Variants in CELF2 observed in about 807,000 individuals in gnomAD.
CELF2 encodes the protein CUGBP Elav-like family member 2, also known as CUG triplet repeat RNA-binding protein 2.
A neutral mutation model predicts 62.6 loss-of-function variants in CELF2; 8 were observed. The observed-to-expected ratio is 0.13, with a 90% CI of 0.07 to 0.23. CELF2 has a LOEUF of 0.23. CELF2 is among the 10% of genes least tolerant of loss of function. The pLI, the probability that CELF2 is intolerant of heterozygous loss-of-function variation, is 1.00. For synonymous variants in CELF2, 258 were observed against 250.0 expected (o/e 1.03, Z -0.30); for missense variants, 333 against 671.0 (o/e 0.50, Z 5.56).
chr10:11,061,791 C>T (rs2066794165), intron 1 of CELF2, among the ~76,000 whole-genome samples: 1 of 152,216 alleles, frequency 6.6e-6, no homozygotes, highest in Admixed American at 6.5e-5. Flanking sequence ...CATCTGTTTA[C>T]AGCATGGTTT....
rs189314556 is a variant in CELF2, at chr10:11,238,810, T to G, written c.355-10343T>G. On this transcript the variant is annotated intron_variant, in intron 3 of 12. Transcript: ENST00000633077. ...TGAAAGCGGCACACTCACACTTTGATCATAGCTGTTATTTTTCATTCATGG... is the reference window on the plus strand; with the variant it reads ...TGAAAGCGGCACACTCACACTTTGAGCATAGCTGTTATTTTTCATTCATGG... 2.0e-5 allele frequency among the ~76,000 whole-genome samples: 3 copies of G among 152,386 alleles called. No individual in the cohort carries two copies. The East Asian group carries it at 5.8e-4, about 29-fold the overall frequency.
intron 2 of CELF2, among the ~76,000 whole-genome samples, chr10:11,174,247 A>G (rs892886391): frequency 6.6e-6 from 1 of 152,182 alleles, no homozygotes; most frequent in Non-Finnish European, 1.5e-5. Context: ...AGCCTGAATC[A>G]CATAGACAAA....
the CELF2 span, among the ~76,000 whole-genome samples, chr10:10,652,306 T>A: frequency 7.8e-6 from 1 of 127,844 alleles, no homozygotes; most frequent in African/African-American, 2.9e-5. Context: ...CTGCAGGATA[T>A]TATCCAGGAG....
chr10:10,984,297 C>A (rs551370559), intron 2 of CELF2, among the ~76,000 whole-genome samples: 1 of 152,136 alleles, frequency 6.6e-6, no homozygotes, highest in Non-Finnish European at 1.5e-5. Flanking sequence ...TAAAACTAAA[C>A]GAAGTGTTGA....
At position 11,305,165 on chromosome 10, in the gene CELF2, G is replaced by A. The variant is rs939971382; in HGVS notation, c.977-8974G>A. ...AAATCCAAGGCTGGTGAGGGGCTAG[G>A]GGGAGGTGGTCCAGGTTATCCACAT... is the stretch of plus-strand genomic sequence containing the variant. On this transcript the variant is annotated intron_variant, in intron 9 of 12. Coordinates refer to ENST00000633077, the MANE Select transcript of CELF2 (RefSeq NM_001326342.2). The surrounding 1 kb of genome is among the most constrained non-coding windows in gnomAD (Gnocchi z 4.8). Among the ~76,000 whole-genome samples the A allele has an allele frequency of 6.6e-6, 1 of 152,208 alleles. No homozygotes were observed. Among genetic ancestry groups the A allele is most frequent in the African/African-American group, 2.4e-5 (1 of 41,436 alleles).
intron 1 of CELF2, among the ~76,000 whole-genome samples, chr10:10,889,132 A>C (rs2061963245): frequency 6.6e-6 from 1 of 152,230 alleles, no homozygotes; most frequent in Non-Finnish European, 1.5e-5. Flanking sequence ...AGGTTGTGAA[A>C]CTTAAAATCC....
chr10:10,703,480 C>T, the CELF2 span, among the ~76,000 whole-genome samples: 1 of 152,182 alleles, frequency 6.6e-6, no homozygotes, highest in Non-Finnish European at 1.5e-5. Context: ...CACTGGGGCT[C>T]TACGAAGGAT....
intron 1 of CELF2, among the ~76,000 whole-genome samples, chr10:11,094,598 C>G (rs1264243696): frequency 1.3e-5 from 2 of 152,058 alleles, no homozygotes; most frequent in African/African-American, 4.8e-5. Flanking sequence ...GGAAAAAAAG[C>G]AAAAGGGAAG....
At chr10:10,795,998 T>C (rs1352499621), upstream of CELF2, among the ~76,000 whole-genome samples, 7 of 152,078 alleles carry the variant, frequency 4.6e-5, no homozygotes, top group Non-Finnish European at 8.8e-5. Flanking sequence ...CAATAATTGT[T>C]ATATTTTAGT....
At chr10:11,109,618 G>A (rs976982956) in intron 1 of CELF2, among the ~76,000 whole-genome samples, 11 of 152,162 alleles carry the variant, frequency 7.2e-5, no homozygotes, top group Non-Finnish European at 1.6e-4. Context: ...GGCACTCTCT[G>A]AATTCATTAC....
chr10:10,657,176 G>A, the CELF2 span, among the ~76,000 whole-genome samples: 2 of 152,094 alleles, frequency 1.3e-5, no homozygotes, highest in Non-Finnish European at 2.9e-5. Context: ...TAATGCATAT[G>A]TCCATTTATT....
At chr10:10,814,213 C>CCA (rs2056217172) in intron 1 of CELF2, among the ~76,000 whole-genome samples, 1 of 20,996 alleles carries the variant, frequency 4.8e-5, no homozygotes, top group African/African-American at 2.5e-4. Context: ...AAGAAGAGTC[C>CCA]TAAAAAAAAA....
At chr10:10,598,832 C>T in the CELF2 span, among the ~76,000 whole-genome samples, 2 of 138,602 alleles carry the variant, frequency 1.4e-5, no homozygotes, top group African/African-American at 5.3e-5. Context: ...CGGCTCACTG[C>T]AACCTCCGCC....
chr10:10,677,717 C>T, the CELF2 span, among the ~76,000 whole-genome samples: 1 of 152,186 alleles, frequency 6.6e-6, no homozygotes, highest in African/African-American at 2.4e-5. Context: ...GAAGCAGCCT[C>T]ATGTTTATTG....
chr10:10,542,968 C>A, the CELF2 span, among the ~76,000 whole-genome samples: 1 of 152,174 alleles, frequency 6.6e-6, no homozygotes, highest in Non-Finnish European at 1.5e-5. Context: ...TTTTCAGTCT[C>A]TCAGGCAGAA....
intron 1 of CELF2, among the ~76,000 whole-genome samples, chr10:11,065,809 G>A (rs988381946): frequency 6.6e-6 from 1 of 152,140 alleles, no homozygotes; most frequent in African/African-American, 2.4e-5. Flanking sequence ...AATAGAGCAG[G>A]GCAAGGAGAA....
chr10:11,185,675 A>G (rs1031445793), intron 2 of CELF2, among the ~76,000 whole-genome samples: 2 of 152,146 alleles, frequency 1.3e-5, no homozygotes, highest in Non-Finnish European at 1.5e-5. Flanking sequence ...CAGCCTCCCA[A>G]AGTACTGGGA....
chr10:11,182,257 C>A (rs1054669875), intron 2 of CELF2, among the ~76,000 whole-genome samples: 1 of 152,158 alleles, frequency 6.6e-6, no homozygotes, highest in East Asian at 1.9e-4. Flanking sequence ...AACCGGGGAG[C>A]GGGGCAGCAA....
chr10:10,572,382 T>A, the CELF2 span, among the ~76,000 whole-genome samples: 1 of 152,096 alleles, frequency 6.6e-6, no homozygotes, highest in Non-Finnish European at 1.5e-5. Context: ...AGGGCATGTG[T>A]ACAGGAGATG....
Sources: gnomAD v4.1 joint callset for allele counts (sites outside exome capture counted in the v4.1 genomes callset) on GRCh38, gnomAD v4.1.1 for gene constraint, Gnocchi (gnomAD v3.1) non-coding constraint, MANE v1.5 for transcripts, NCBI Gene and HGNC (gene_info 2026-07-23, HGNC 2026-07-21) for gene names.